Variants in RBFOX1 observed in about 807,000 individuals in gnomAD.
RBFOX1 encodes RNA binding protein fox-1 homolog 1.
A neutral mutation model predicts 57.7 loss-of-function variants in RBFOX1; 8 were observed. That is an observed-to-expected ratio of 0.14 (90% CI 0.08 to 0.25). The LOEUF is 0.25. RBFOX1 is among the 10% of genes least tolerant of loss of function. RBFOX1 has a pLI of 1.00. For synonymous variants in RBFOX1, 326 were observed against 222.4 expected, an observed-to-expected ratio of 1.47 and a Z score of -4.15; for missense variants, 611 against 548.5, an observed-to-expected ratio of 1.11 and a Z score of -1.14.
At chr16:5,731,271 G>A (rs1036978844) in intron 3 of RBFOX1, among the ~76,000 whole-genome samples, 26 of 151,334 alleles carry the variant, frequency 1.7e-4, no homozygotes, top group African/African-American at 6.1e-4. Context: ...GATAATGGTT[G>A]TCATCATTGT....
intron 3 of RBFOX1, among the ~76,000 whole-genome samples, chr16:6,764,018 C>G (rs1228478177): frequency 6.6e-6 from 1 of 152,156 alleles, no homozygotes; most frequent in African/African-American, 2.4e-5. Context: ...GATGTTAATG[C>G]TGTCTGCATG....
chr16:7,396,888 C>A (rs1374830208), intron 4 of RBFOX1, among the ~76,000 whole-genome samples: 1 of 152,066 alleles, frequency 6.6e-6, no homozygotes, highest in Non-Finnish European at 1.5e-5. Flanking sequence ...TTGCAGTGAG[C>A]CTAGAAGATG....
At chr16:7,263,260 G>A (rs908064626) in intron 4 of RBFOX1, among the ~76,000 whole-genome samples, 1 of 152,186 alleles carries the variant, frequency 6.6e-6, no homozygotes, top group African/African-American at 2.4e-5. Flanking sequence ...CACATCCTTA[G>A]TACCCAGGAA....
intron 1 of RBFOX1, among the ~76,000 whole-genome samples, chr16:5,319,432 C>G (rs143398953): frequency 1.1e-3 from 171 of 152,272 alleles, no homozygotes; most frequent in Non-Finnish European, 1.2e-3. Flanking sequence ...TTTTCATTCC[C>G]TTCTTTTCCA....
At chr16:6,989,441 T>C (rs901601756) in intron 3 of RBFOX1, among the ~76,000 whole-genome samples, 2 of 152,326 alleles carry the variant, frequency 1.3e-5, no homozygotes, top group East Asian at 1.9e-4. Context: ...GAACTTTTTT[T>C]CCCCACATAT....
chr16:6,913,448 C>G (rs1339519684), intron 3 of RBFOX1, among the ~76,000 whole-genome samples: 1 of 152,140 alleles, frequency 6.6e-6, no homozygotes, highest in African/African-American at 2.4e-5. Context: ...TATCCCCCAC[C>G]AGACCCTGAG....
intron 2 of RBFOX1, among the ~76,000 whole-genome samples, chr16:5,506,711 T>G (rs2043391809): frequency 6.6e-6 from 1 of 152,038 alleles, no homozygotes; most frequent in Non-Finnish European, 1.5e-5. Flanking sequence ...GGGTTACGGC[T>G]TCCCCAGGGA....
intron 4 of RBFOX1, among the ~76,000 whole-genome samples, chr16:7,238,932 A>G (rs116377822): frequency 0.013 from 2,036 of 152,192 alleles, 42 homozygotes; most frequent in African/African-American, 0.046. Flanking sequence ...TGAGAATGAG[A>G]GCCTCCAGTT....
At chr16:7,137,504 C>A (rs758443601) in intron 4 of RBFOX1, among the ~76,000 whole-genome samples, 1 of 152,164 alleles carries the variant, frequency 6.6e-6, no homozygotes, top group Non-Finnish European at 1.5e-5. Flanking sequence ...GTAAGGAGTA[C>A]CTTTCACCTT....
intron 1 of RBFOX1, among the ~76,000 whole-genome samples, chr16:6,166,882 T>C (rs2096921733): frequency 6.6e-6 from 1 of 152,156 alleles, no homozygotes. Context: ...CAAGCAATTC[T>C]TCCGCCTCAG....
intron 6 of RBFOX1, among the ~76,000 whole-genome samples, chr16:7,581,031 C>A (rs1217214543): frequency 6.6e-6 from 1 of 152,110 alleles, no homozygotes; most frequent in Non-Finnish European, 1.5e-5. Context: ...ATGGGAGGCT[C>A]TTGTTCACTA....
rs139575389 is a variant in RBFOX1 at position 7,477,701 on chromosome 16, G to A, written c.28-40446G>A. On this transcript the variant is annotated intron_variant, in intron 4 of 15. Coordinates refer to ENST00000550418, the MANE Select transcript of RBFOX1 (RefSeq NM_018723.4). ...TTGGTTTTAATTCCTTGGGCCCTGGGGACTAGCCTCAGACTTCAAGGTGGC... is the reference window on the plus strand; with the variant it reads ...TTGGTTTTAATTCCTTGGGCCCTGGAGACTAGCCTCAGACTTCAAGGTGGC... 3.9e-3 allele frequency among the ~76,000 whole-genome samples: 594 copies of A among 152,220 alleles called. 3 individuals carry two copies. Among genetic ancestry groups the A allele is most frequent in the African/African-American group, 0.013 (550 of 41,520 alleles).
chr16:7,315,322 G>C (rs547124549), intron 4 of RBFOX1, among the ~76,000 whole-genome samples: 50 of 152,012 alleles, frequency 3.3e-4, no homozygotes, highest in African/African-American at 1.1e-3. Context: ...CTTGATTTTA[G>C]GAAATGCTCT....
In RBFOX1 at chr16:6,852,450, T is replaced by C. The variant is rs138608021; in HGVS notation, c.-16+197800T>C. Among the ~76,000 whole-genome samples, 840 of 152,336 alleles carry C rather than the reference T, an allele frequency of 5.5e-3. 15 individuals are homozygous for C. Among genetic ancestry groups the C allele is most frequent in the African/African-American group, 0.019 (803 of 41,576 alleles). On this transcript the variant is annotated intron_variant, in intron 3 of 15. Coordinates refer to ENST00000550418, the MANE Select transcript of RBFOX1 (RefSeq NM_018723.4). ...TTTCAGGGATTTTTGACCTGAGATATCTGAGTGGCTATTATCTGGCTTATT... is the reference window on the plus strand; with the variant it reads ...TTTCAGGGATTTTTGACCTGAGATACCTGAGTGGCTATTATCTGGCTTATT...
At chr16:6,716,047 C>A (rs541599482) in intron 3 of RBFOX1, among the ~76,000 whole-genome samples, 12 of 152,238 alleles carry the variant, frequency 7.9e-5, no homozygotes, top group Non-Finnish European at 1.6e-4. Flanking sequence ...GTTTTGTGAG[C>A]TCACACTGCT....
intron 3 of RBFOX1, among the ~76,000 whole-genome samples, chr16:6,986,150 C>G (rs191934149): frequency 2.5e-5 from 3 of 121,642 alleles, no homozygotes; most frequent in South Asian, 6.1e-4. Flanking sequence ...TACAATAACC[C>G]TTATATACGT....
chr16:6,895,034 C>T (rs964705429), intron 3 of RBFOX1, among the ~76,000 whole-genome samples: 4 of 152,102 alleles, frequency 2.6e-5, no homozygotes. Context: ...TCCTTCTTAC[C>T]AGCTTCAAAT....
chr16:7,148,980 A>G (rs1362045582), intron 4 of RBFOX1, among the ~76,000 whole-genome samples: 1 of 152,220 alleles, frequency 6.6e-6, no homozygotes, highest in Non-Finnish European at 1.5e-5. Context: ...ACCTGAAGCC[A>G]TAGTATTTTG....
At chr16:6,388,241 C>A (rs1368222583) in intron 2 of RBFOX1, among the ~76,000 whole-genome samples, 2 of 152,138 alleles carry the variant, frequency 1.3e-5, no homozygotes, top group African/African-American at 4.8e-5. Context: ...TCTGGGATTA[C>A]AGGTGTGAGC....
Sources: gnomAD v4.1 joint callset for allele counts (sites outside exome capture counted in the v4.1 genomes callset) on GRCh38, gnomAD v4.1.1 for gene constraint, MANE v1.5 for transcripts, NCBI Gene and HGNC (gene_info 2026-07-23, HGNC 2026-07-21) for gene names.